The following KCNMA1 variants were observed in gnomAD, a reference collection of about 807,000 sequenced individuals.
The protein encoded by KCNMA1 is Calcium-activated potassium channel subunit alpha-1.
In KCNMA1, 29 loss-of-function variants were observed where a neutral mutation model predicts 140.0. That is an observed-to-expected ratio of 0.21 (90% CI 0.15 to 0.28). KCNMA1 has a LOEUF of 0.28. Ranked by LOEUF, KCNMA1 falls within the 10% of genes least tolerant of loss-of-function variation. The pLI is 1.00. For missense variants in KCNMA1, 880 were observed against 1,602.2 expected (o/e 0.55, Z 7.70); for synonymous variants, 612 against 611.9 (o/e 1.00, Z 0.00).
At chr10:77,098,051 A>T (rs2096982249) in intron 9 of KCNMA1, among the ~76,000 whole-genome samples, 1 of 152,266 alleles carries the variant, frequency 6.6e-6, no homozygotes, top group Admixed American at 6.5e-5. Flanking sequence ...GCAGACAGTC[A>T]GAACCTCAGC....
chr10:77,264,742 G>A (rs1419344061), intron 2 of KCNMA1, among the ~76,000 whole-genome samples: 1 of 152,118 alleles, frequency 6.6e-6, no homozygotes, highest in African/African-American at 2.4e-5. Flanking sequence ...ACGGTCTCTT[G>A]CTGTCATAAC....
chr10:77,368,099 T>C (rs2094473583), intron 2 of KCNMA1, among the ~76,000 whole-genome samples: 1 of 152,222 alleles, frequency 6.6e-6, no homozygotes, highest in Admixed American at 6.5e-5. Flanking sequence ...ATATGCTTAA[T>C]TTTATAAGAA....
chr10:76,887,617 G>A, intron 27 of KCNMA1, 102 bp from the exon 28 acceptor site: 1 of 1,375,822 alleles, frequency 7.3e-7, no homozygotes. Context: ...AGGACTTTCA[G>A]AGGATCTGGA....
intron 2 of KCNMA1, among the ~76,000 whole-genome samples, chr10:77,321,360 C>T (rs2082282295): frequency 6.6e-6 from 1 of 152,212 alleles, no homozygotes; most frequent in Admixed American, 6.5e-5. Flanking sequence ...GAGGAGAAAG[C>T]ATCAGATTAG....
intron 2 of KCNMA1, among the ~76,000 whole-genome samples, chr10:77,317,307 C>A (rs531640061): frequency 6.6e-6 from 1 of 152,308 alleles, no homozygotes; most frequent in Admixed American, 6.5e-5. Context: ...CTTGCTGAAA[C>A]CCTATTGCAC....
rs2037171819 is a variant in KCNMA1, at chr10:76,886,771, G to A, written c.*495C>T. On this transcript the variant is annotated 3_prime_UTR_variant, in exon 28 of 28. Transcript: ENST00000286628. ...TGGAAACAATCAATATGTTTTCATT[G>A]CTGTTTGGTTGCTTGTTTCAAATAA... 2 of 1,025,730 alleles carry A rather than the reference G, an allele frequency of 1.9e-6. No individual in the cohort carries two copies. Among genetic ancestry groups the A allele is most frequent in the Non-Finnish European group, 1.2e-6 (1 of 853,708 alleles). 63.5% of individuals were successfully genotyped at this position (1,025,730 alleles called of 1,614,324 possible). A position where few individuals can be genotyped will look rare whatever the true frequency, so the allele number is the denominator to read the frequency against.
At chr10:76,907,496 G>T (rs1000099776) in intron 25 of KCNMA1, among the ~76,000 whole-genome samples, 1 of 152,144 alleles carries the variant, frequency 6.6e-6, no homozygotes, top group African/African-American at 2.4e-5. Context: ...AGCCTATGTG[G>T]TTGCACAGGG....
intron 19 of KCNMA1, among the ~76,000 whole-genome samples, chr10:76,994,333 A>C (rs933334059): frequency 6.6e-6 from 1 of 152,242 alleles, no homozygotes; most frequent in Non-Finnish European, 1.5e-5. Context: ...GTAATGCAGC[A>C]AATGCTATAT....
intron 1 of KCNMA1, chr10:77,636,127 C>T: frequency 1.8e-6 from 2 of 1,110,628 alleles, no homozygotes; most frequent in Non-Finnish European, 2.4e-6. Flanking sequence ...TTTCCCTTCC[C>T]TCCAAAACGG....
downstream of KCNMA1, chr10:76,872,854 G>T (rs138692290): frequency 2.0e-5 from 3 of 152,214 alleles, no homozygotes; most frequent in Non-Finnish European, 2.9e-5. Context: ...ATAACTCATG[G>T]TATTTTAAAA....
chr10:77,365,959 G>A (rs1196539142), intron 2 of KCNMA1, among the ~76,000 whole-genome samples: 1 of 152,128 alleles, frequency 6.6e-6, no homozygotes, highest in African/African-American at 2.4e-5. Context: ...ACAAATGTAG[G>A]AAATCCAAAG....
At chr10:77,353,862 G>A (rs2093174805) in intron 2 of KCNMA1, among the ~76,000 whole-genome samples, 1 of 152,060 alleles carries the variant, frequency 6.6e-6, no homozygotes, top group South Asian at 2.1e-4. Context: ...GAAGAGCTGG[G>A]ACATGAACGC....
At chr10:76,932,583 G>C (rs564421838) in intron 23 of KCNMA1, among the ~76,000 whole-genome samples, 34 of 152,226 alleles carry the variant, frequency 2.2e-4, no homozygotes, top group Admixed American at 2.2e-3. Flanking sequence ...TTCATACACT[G>C]ATCCCTCGGT....
intron 5 of KCNMA1, among the ~76,000 whole-genome samples, chr10:77,152,982 G>A (rs2154060287): frequency 6.6e-6 from 1 of 152,284 alleles, no homozygotes; most frequent in African/African-American, 2.4e-5. Flanking sequence ...TCCCCACTAA[G>A]GCCCCTGGAG....
At chr10:76,897,786 G>C (rs948923089) in intron 25 of KCNMA1, among the ~76,000 whole-genome samples, 2 of 151,918 alleles carry the variant, frequency 1.3e-5, no homozygotes, top group African/African-American at 2.4e-5. Flanking sequence ...TATTAATATA[G>C]TATTGCTAAA....
chr10:77,583,916 A>G (rs925388365), intron 1 of KCNMA1, among the ~76,000 whole-genome samples: 2 of 152,252 alleles, frequency 1.3e-5, no homozygotes, highest in African/African-American at 4.8e-5. Context: ...AGGTATAACC[A>G]TATGTAGATA....
At chr10:77,322,305 G>T (rs1354599193) in intron 2 of KCNMA1, among the ~76,000 whole-genome samples, 2 of 152,118 alleles carry the variant, frequency 1.3e-5, no homozygotes, top group Non-Finnish European at 1.5e-5. Flanking sequence ...CTTTACACGG[G>T]TTATCTCATA....
chr10:77,586,362 A>AT (rs1288597889), intron 1 of KCNMA1: 1 of 152,228 alleles, frequency 6.6e-6, no homozygotes, highest in Non-Finnish European at 1.5e-5. Context: ...CTTGTGCTCC[A>AT]TATGAAACAT....
chr10:77,367,165 G>A (rs955501016), intron 2 of KCNMA1, among the ~76,000 whole-genome samples: 4 of 152,192 alleles, frequency 2.6e-5, no homozygotes, highest in Non-Finnish European at 5.9e-5. Context: ...CTTTCAAGCT[G>A]GCCAGTGACT....
Sources: gnomAD v4.1 joint callset for allele counts (sites outside exome capture counted in the v4.1 genomes callset) on GRCh38, gnomAD v4.1.1 for gene constraint, MANE v1.5 for transcripts, NCBI Gene and HGNC (gene_info 2026-07-23, HGNC 2026-07-21) for gene names.